Variants in TMEM132D observed in about 807,000 individuals in gnomAD.
TMEM132D encodes the protein mature OL transmembrane protein.
A neutral mutation model predicts 62.3 loss-of-function variants in TMEM132D; 21 were observed. The observed-to-expected ratio is 0.34, with a 90% CI of 0.24 to 0.49. TMEM132D has a LOEUF of 0.49. Among genes scored for constraint, TMEM132D ranks in the 20% least tolerant of loss-of-function variants. The pLI is 0.99. For missense variants in TMEM132D, 1,346 were observed against 1,402.8 expected (o/e 0.96, Z 0.65); for synonymous variants, 621 against 575.6 (o/e 1.08, Z -1.13).
chr12:129,353,140 T>A (rs1484490551), intron 3 of TMEM132D, among the ~76,000 whole-genome samples: 1 of 149,062 alleles, frequency 6.7e-6, no homozygotes, highest in Non-Finnish European at 1.5e-5. Flanking sequence ...CCTTCTCTCT[T>A]CTTTTTATCC....
intron 2 of TMEM132D, among the ~76,000 whole-genome samples, chr12:129,629,891 C>T (rs544153633): frequency 6.6e-6 from 1 of 152,240 alleles, no homozygotes; most frequent in South Asian, 2.1e-4. Context: ...TTTGTGTAGT[C>T]AAATGTGGAT....
At chr12:129,379,234 T>C (rs996386251) in intron 3 of TMEM132D, among the ~76,000 whole-genome samples, 3 of 152,028 alleles carry the variant, frequency 2.0e-5, no homozygotes, top group African/African-American at 4.8e-5. Flanking sequence ...AATATATGGG[T>C]GGTTAAATTA....
chr12:129,707,929 A>T (rs1881544467), intron 1 of TMEM132D, among the ~76,000 whole-genome samples: 2 of 152,330 alleles, frequency 1.3e-5, no homozygotes, highest in Non-Finnish European at 2.9e-5. Flanking sequence ...GTATGAAATA[A>T]AACAGGGCCA....
chr12:129,491,185 G>C (rs1444508043), intron 3 of TMEM132D, among the ~76,000 whole-genome samples: 1 of 152,170 alleles, frequency 6.6e-6, no homozygotes, highest in South Asian at 2.1e-4. Flanking sequence ...GATAATTCAT[G>C]ATGAGCGCTG....
At chr12:129,516,281 C>G (rs1241819885) in intron 3 of TMEM132D, among the ~76,000 whole-genome samples, 1 of 152,224 alleles carries the variant, frequency 6.6e-6, no homozygotes, top group African/African-American at 2.4e-5. Context: ...CAACGTCTGA[C>G]TGAGGGATCC....
In TMEM132D at chr12:129,272,111, C is replaced by T. The variant is rs931560129; in HGVS notation, c.1300-62448G>A. ...GGTGATTGGATGCCAGGTACTAAAA[C>T]ATCTCAAGAGTGATGCTACAATGAG... On this transcript the variant is annotated intron_variant, in intron 4 of 8. Transcript: ENST00000422113. Among the ~76,000 whole-genome samples the T allele has an allele frequency of 2.6e-5, 4 of 151,924 alleles. No individual in the cohort carries two copies. The South Asian group carries it at 8.3e-4, about 31-fold the overall frequency.
chr12:129,294,450 C>T (rs1881521029), intron 4 of TMEM132D, among the ~76,000 whole-genome samples: 1 of 151,074 alleles, frequency 6.6e-6, no homozygotes. Flanking sequence ...CAGCTGTGCC[C>T]CATGCTTAAC....
In TMEM132D at chr12:129,273,189, C is replaced by G. The variant is rs201722094; in HGVS notation, c.1300-63526G>C. Among the ~76,000 whole-genome samples, 17 of 151,576 alleles carry G rather than the reference C, an allele frequency of 1.1e-4. No homozygotes were observed. The East Asian group carries it at 2.9e-3, about 26-fold the overall frequency. On this transcript the variant is annotated intron_variant, in intron 4 of 8. Coordinates refer to ENST00000422113, the MANE Select transcript of TMEM132D (RefSeq NM_133448.3). ...CCAGACTGGGTGACAGAGTGAGATT[C>G]TGTTTCCAAACAAACAAACAAACAA... is the stretch of plus-strand genomic sequence containing the variant.
At chr12:129,605,628 C>CACACACATATATATAT (rs1555221348) in intron 2 of TMEM132D, among the ~76,000 whole-genome samples, 87 of 110,706 alleles carry the variant, frequency 7.9e-4, no homozygotes, top group African/African-American at 2.9e-3. Flanking sequence ...TATATACACA[C>CACACACATATATATAT]ACACACACAC....
chr12:129,376,038 G>A (rs1022850628), intron 3 of TMEM132D, among the ~76,000 whole-genome samples: 4 of 152,322 alleles, frequency 2.6e-5, no homozygotes, highest in African/African-American at 9.6e-5. Flanking sequence ...GTGATGCTTG[G>A]TTGGAACTAG....
At chr12:129,605,607 A>ATATATATATATATAT in intron 2 of TMEM132D, among the ~76,000 whole-genome samples, 14 of 102,180 alleles carry the variant, frequency 1.4e-4, no homozygotes, top group Admixed American at 1.4e-3. Flanking sequence ...ATATATATAC[A>ATATATATATATATAT]CACACATATA....
intron 3 of TMEM132D, among the ~76,000 whole-genome samples, chr12:129,395,312 A>G (rs1020501242): frequency 9.9e-5 from 15 of 152,172 alleles, no homozygotes; most frequent in African/African-American, 3.6e-4. Flanking sequence ...AGTATTTGAT[A>G]AAACAGAAAA....
intron 3 of TMEM132D, among the ~76,000 whole-genome samples, chr12:129,416,085 C>A (rs188082326): frequency 6.6e-6 from 1 of 152,240 alleles, no homozygotes; most frequent in Admixed American, 6.5e-5. Context: ...TTTTCTAATT[C>A]TGTGGAGAAA....
In TMEM132D at chr12:129,414,978, T is replaced by C. The variant is rs150826692; in HGVS notation, c.1116-77161A>G. Among the ~76,000 whole-genome samples, 386 of 152,358 alleles carry C rather than the reference T, an allele frequency of 2.5e-3. 2 individuals carry two copies. The highest frequency in any genetic ancestry group is 3.3e-3 in the Non-Finnish European group (225 of 68,032). Reference sequence around the variant, plus strand: ...GCACAATGTGCTCTAGGTTCATCCATGCTGTCACAAATGACATTTCATTCT... The same window carrying C: ...GCACAATGTGCTCTAGGTTCATCCACGCTGTCACAAATGACATTTCATTCT... On this transcript the variant is annotated intron_variant, in intron 3 of 8. Transcript: ENST00000422113.
At chr12:129,156,953 C>T (rs1391327821) in intron 5 of TMEM132D, among the ~76,000 whole-genome samples, 1 of 152,110 alleles carries the variant, frequency 6.6e-6, no homozygotes, top group African/African-American at 2.4e-5. Context: ...GATAACTAAC[C>T]CACTCCTATG....
chr12:129,266,378 C>T (rs766603287), intron 4 of TMEM132D, among the ~76,000 whole-genome samples: 2 of 151,258 alleles, frequency 1.3e-5, no homozygotes, highest in African/African-American at 2.4e-5. Flanking sequence ...CCTCTTCCCT[C>T]CTCTCCCCTT....
chr12:129,118,926 C>T (rs191868131), intron 5 of TMEM132D, among the ~76,000 whole-genome samples: 114 of 152,292 alleles, frequency 7.5e-4, no homozygotes, highest in Admixed American at 1.0e-3. Context: ...TGTTCTTTCT[C>T]CAACAGAGGG....
chr12:129,524,178 A>G (rs1003133957), intron 3 of TMEM132D, among the ~76,000 whole-genome samples: 3 of 152,026 alleles, frequency 2.0e-5, no homozygotes, highest in Non-Finnish European at 4.4e-5. Context: ...CCATGTATAC[A>G]TATGTAACAA....
chr12:129,443,218 C>T (rs1872990590), intron 3 of TMEM132D, among the ~76,000 whole-genome samples: 1 of 152,196 alleles, frequency 6.6e-6, no homozygotes, highest in South Asian at 2.1e-4. Context: ...GCACACAAAT[C>T]TCCATCTCAG....
Sources: gnomAD v4.1 joint callset for allele counts (sites outside exome capture counted in the v4.1 genomes callset) on GRCh38, gnomAD v4.1.1 for gene constraint, MANE v1.5 for transcripts, NCBI Gene and HGNC (gene_info 2026-07-23, HGNC 2026-07-21) for gene names.